Variants in PACRG observed in about 807,000 individuals in gnomAD.
PACRG encodes parkin coregulated.
A neutral mutation model predicts 29.7 loss-of-function variants in PACRG; 29 were observed. That is an observed-to-expected ratio of 0.98 (90% CI 0.73 to 1.33). The LOEUF (loss-of-function observed/expected upper bound fraction) is 1.33, where lower values mean the gene tolerates loss of function less well. Among genes scored for constraint, PACRG ranks in the 40% most tolerant of loss-of-function variants. The probability of loss-of-function intolerance (pLI) is 0.00; values close to 1 mark genes in which losing one functional copy is unlikely to be tolerated. For synonymous variants in PACRG, 116 were observed against 118.7 expected (o/e 0.98, Z 0.15); for missense variants, 279 against 316.2 (o/e 0.88, Z 0.89).
chr6:162,798,235 T>C (rs1785545790), intron 1 of PACRG, among the ~76,000 whole-genome samples: 2 of 152,186 alleles, frequency 1.3e-5, no homozygotes, highest in Non-Finnish European at 2.9e-5. Flanking sequence ...CATTTGTTTA[T>C]GTATTTATTT....
At chr6:162,741,737 G>T (rs1322512182) in intron 1 of PACRG, among the ~76,000 whole-genome samples, 1 of 152,148 alleles carries the variant, frequency 6.6e-6, no homozygotes, top group Non-Finnish European at 1.5e-5. Context: ...ACTGGAAGAA[G>T]GACCATCTCT....
chr6:162,769,978 T>C (rs1028938293), intron 1 of PACRG, among the ~76,000 whole-genome samples: 1 of 152,108 alleles, frequency 6.6e-6, no homozygotes, highest in South Asian at 2.1e-4. Flanking sequence ...GATAAACTTA[T>C]AGCAGTTTTA....
At chr6:163,192,070 C>T (rs1253808129) in intron 4 of PACRG, 1 of 220,554 alleles carries the variant, frequency 4.5e-6, no homozygotes, top group Non-Finnish European at 9.2e-6. Flanking sequence ...CTAAAGAAAG[C>T]ACAGTTGTGC....
chr6:162,958,812 G>C (rs989292629), intron 2 of PACRG, among the ~76,000 whole-genome samples: 3 of 142,106 alleles, frequency 2.1e-5, no homozygotes, highest in Non-Finnish European at 4.5e-5. Context: ...ATAGCATATA[G>C]AGCATATATA....
chr6:163,311,382 T>A (rs1421063223), intron 4 of PACRG, among the ~76,000 whole-genome samples: 2 of 152,282 alleles, frequency 1.3e-5, no homozygotes, highest in African/African-American at 4.8e-5. Context: ...GTCATTTTCC[T>A]AATCAGAATT....
At chr6:162,734,987 G>C (rs1270126884) in intron 1 of PACRG, among the ~76,000 whole-genome samples, 3 of 152,166 alleles carry the variant, frequency 2.0e-5, no homozygotes, top group Non-Finnish European at 2.9e-5. Flanking sequence ...GAATCATAAA[G>C]TATGTAATTG....
intron 4 of PACRG, among the ~76,000 whole-genome samples, chr6:163,150,048 T>C (rs1005760486): frequency 1.3e-5 from 2 of 152,208 alleles, no homozygotes; most frequent in Admixed American, 6.5e-5. Flanking sequence ...GTTTTCTCAC[T>C]GGGATTCCTG....
chr6:163,254,113 C>G (rs897038711), intron 4 of PACRG, among the ~76,000 whole-genome samples: 1 of 152,224 alleles, frequency 6.6e-6, no homozygotes, highest in African/African-American at 2.4e-5. Context: ...GGGACAGCAG[C>G]AATTTCAACA....
At chr6:162,732,882 G>A (rs1209890688) in intron 1 of PACRG, among the ~76,000 whole-genome samples, 1 of 152,188 alleles carries the variant, frequency 6.6e-6, no homozygotes, top group African/African-American at 2.4e-5. Flanking sequence ...GGCCAGCAAG[G>A]TCTTGTGTGA....
chr6:162,732,708 C>T (rs1054196174), intron 1 of PACRG, among the ~76,000 whole-genome samples: 1 of 152,200 alleles, frequency 6.6e-6, no homozygotes, highest in Non-Finnish European at 1.5e-5. Flanking sequence ...CACCTTTTGT[C>T]TAGGCTTGTA....
intron 2 of PACRG, among the ~76,000 whole-genome samples, chr6:162,818,460 G>A: frequency 6.6e-6 from 1 of 152,180 alleles, no homozygotes; most frequent in Non-Finnish European, 1.5e-5. Flanking sequence ...TATATGAATT[G>A]GTAAAATACA....
intron 3 of PACRG, among the ~76,000 whole-genome samples, chr6:163,088,380 G>A (rs913152822): frequency 5.9e-5 from 9 of 152,062 alleles, no homozygotes; most frequent in Non-Finnish European, 8.8e-5. Context: ...TGTTTTATCT[G>A]GCTCTTCTAC....
intron 4 of PACRG, among the ~76,000 whole-genome samples, chr6:163,288,752 A>G (rs1001354938): frequency 6.6e-6 from 1 of 152,148 alleles, no homozygotes; most frequent in African/African-American, 2.4e-5. Flanking sequence ...TGGCTTTCCC[A>G]ATTACCTTCC....
At chr6:163,213,531 G>A (rs1226883769) in intron 4 of PACRG, among the ~76,000 whole-genome samples, 4 of 152,164 alleles carry the variant, frequency 2.6e-5, no homozygotes, top group South Asian at 2.1e-4. Flanking sequence ...GTCCTTGTTT[G>A]TAGGGAATAT....
intron 2 of PACRG, among the ~76,000 whole-genome samples, chr6:163,054,897 G>T (rs1810414418): frequency 6.6e-6 from 1 of 152,138 alleles, no homozygotes; most frequent in Admixed American, 6.5e-5. Context: ...CCTCCCCCCT[G>T]GCTGTCTCAG....
chr6:163,268,128 C>T (rs777304166), intron 4 of PACRG, among the ~76,000 whole-genome samples: 9 of 152,070 alleles, frequency 5.9e-5, no homozygotes, highest in Non-Finnish European at 8.8e-5. Flanking sequence ...TGGCCTGGCG[C>T]GGTGGCTCAC....
chr6:163,241,028 C>A (rs60645501), intron 4 of PACRG, among the ~76,000 whole-genome samples: 5,681 of 152,260 alleles, frequency 0.037, 127 homozygotes, highest in South Asian at 0.084. Flanking sequence ...CAACTCAAGT[C>A]TATGTGACAT....
At chr6:163,032,122 T>C (rs978832741) in intron 2 of PACRG, among the ~76,000 whole-genome samples, 1 of 152,318 alleles carries the variant, frequency 6.6e-6, no homozygotes, top group East Asian at 1.9e-4. Context: ...GAAACAAATA[T>C]GCTCCAGATT....
In PACRG at chr6:163,179,963, T is replaced by A. The variant is rs149470077; in HGVS notation, c.613+90555T>A. ...TCCCAGCCGAGCCCTCCTGGGAGGT[T>A]CCTGTGTGCTGGACACATGCCTGGC... On this transcript the variant is annotated intron_variant, in intron 4 of 4. Coordinates refer to ENST00000366888, the MANE Select transcript of PACRG (RefSeq NM_001080379.2). Among the ~76,000 whole-genome samples the A allele has an allele frequency of 4.6e-3, 704 of 152,346 alleles. 5 individuals are homozygous for A. Among genetic ancestry groups the A allele is most frequent in the African/African-American group, 0.016 (661 of 41,586 alleles).
Sources: allele counts gnomAD v4.1 joint callset (sites outside exome capture counted in the v4.1 genomes callset), GRCh38; gene constraint gnomAD v4.1.1; transcripts MANE v1.5; gene names NCBI Gene and HGNC (gene_info 2026-07-23, HGNC 2026-07-21).